NRXN1: variants seen among roughly 807,000 people sequenced by gnomAD.
The protein encoded by NRXN1 is neurexin 1.
NRXN1 carries 39 observed loss-of-function variants against 150.9 expected under a neutral mutation model. The ratio of observed to expected loss-of-function variants is 0.26; its 90% CI spans 0.20 to 0.34. NRXN1 has a LOEUF of 0.34. NRXN1 is among the 10% of genes least tolerant of loss of function. The pLI, the probability that NRXN1 is intolerant of heterozygous loss-of-function variation, is 1.00. For missense variants in NRXN1, 1,815 were observed against 1,949.9 expected (o/e 0.93, Z 1.30); for synonymous variants, 924 against 757.0 (o/e 1.22, Z -3.62).
At chr2:50,545,634 T>C (rs184066436) in intron 9 of NRXN1, among the ~76,000 whole-genome samples, 88 of 152,328 alleles carry the variant, frequency 5.8e-4, no homozygotes, top group African/African-American at 2.0e-3. Context: ...GAATTACCTA[T>C]TACAGGACAT....
intron 17 of NRXN1, among the ~76,000 whole-genome samples, chr2:50,366,684 C>G (rs986239797): frequency 6.6e-6 from 1 of 151,882 alleles, no homozygotes; most frequent in Non-Finnish European, 1.5e-5. Context: ...GACTGTCTCC[C>G]CCACCCCACT....
intron 9 of NRXN1, among the ~76,000 whole-genome samples, chr2:50,549,403 T>A (rs1667096239): frequency 6.6e-6 from 1 of 152,174 alleles, no homozygotes; most frequent in Non-Finnish European, 1.5e-5. Context: ...GGACAGAACT[T>A]GGCTTAGTGA....
chr2:50,628,347 A>G (rs1183832102), intron 5 of NRXN1, among the ~76,000 whole-genome samples: 1 of 151,778 alleles, frequency 6.6e-6, no homozygotes, highest in African/African-American at 2.4e-5. Context: ...TAAGTAATTC[A>G]AATTTACATT....
chr2:49,935,085 A>C (rs1351404174), intron 22 of NRXN1, among the ~76,000 whole-genome samples: 6 of 152,236 alleles, frequency 3.9e-5, no homozygotes, highest in Non-Finnish European at 5.9e-5. Flanking sequence ...ACTACTACTA[A>C]TAAAAGCTAA....
intron 8 of NRXN1, among the ~76,000 whole-genome samples, chr2:50,586,906 A>G (rs1198942665): frequency 2.0e-5 from 3 of 152,368 alleles, no homozygotes; most frequent in Non-Finnish European, 4.4e-5. Context: ...GGTTTATGCT[A>G]GAAAATAAAA....
intron 18 of NRXN1, among the ~76,000 whole-genome samples, chr2:50,153,975 G>C (rs577170335): frequency 2.0e-3 from 297 of 151,862 alleles, no homozygotes; most frequent in African/African-American, 6.8e-3. Context: ...AGAGAAGATA[G>C]ATAGTTGCTG....
intron 21 of NRXN1, among the ~76,000 whole-genome samples, chr2:50,007,842 C>G (rs1047251851): frequency 9.9e-5 from 15 of 151,986 alleles, no homozygotes; most frequent in African/African-American, 3.6e-4. Context: ...AATTTACACT[C>G]CCACCAACAG....
At chr2:50,895,354 G>A (rs910926071) in intron 5 of NRXN1, among the ~76,000 whole-genome samples, 4 of 152,014 alleles carry the variant, frequency 2.6e-5, no homozygotes, top group Admixed American at 1.3e-4. Flanking sequence ...CTACATATTG[G>A]ATATTTTTCC....
intron 17 of NRXN1, among the ~76,000 whole-genome samples, chr2:50,240,927 GTTTTA>G (rs1340015840): frequency 1.3e-5 from 2 of 151,706 alleles, no homozygotes; most frequent in East Asian, 3.9e-4. Context: ...CTGTAACATT[GTTTTA>G]TTTTAATATG....
intron 5 of NRXN1, among the ~76,000 whole-genome samples, chr2:50,845,487 T>C (rs866978059): frequency 6.6e-6 from 1 of 152,214 alleles, no homozygotes; most frequent in South Asian, 2.1e-4. Context: ...TCATCCTCTA[T>C]TGAAACGTAA....
intron 17 of NRXN1, among the ~76,000 whole-genome samples, chr2:50,309,372 T>C (rs2074970275): frequency 6.6e-6 from 1 of 152,190 alleles, no homozygotes; most frequent in Non-Finnish European, 1.5e-5. Flanking sequence ...TCTCTGACAC[T>C]AATTAATTGT....
chr2:50,449,447 T>A (rs1366415126), intron 17 of NRXN1, among the ~76,000 whole-genome samples: 1 of 152,212 alleles, frequency 6.6e-6, no homozygotes, highest in Non-Finnish European at 1.5e-5. Context: ...CCTTTTTACA[T>A]GCTTCTATTA....
At position 50,921,875 on chromosome 2, in the gene NRXN1, T is replaced by C; in HGVS notation, c.826A>G (p.Ser276Gly). 7.1e-7 allele frequency: 1 copy of C among 1,402,362 alleles called. No homozygotes were observed. Among genetic ancestry groups the C allele is most frequent in the Non-Finnish European group, 9.6e-7 (1 of 1,045,656 alleles). The allele number at this position is 1,402,362 out of a possible 1,614,324, so 86.9% of individuals were successfully genotyped here. The change falls in exon 5 of 23, where the codon AGT becomes GGT. Residue 276 changes from serine (S) to glycine (G), a missense_variant. Physicochemically the swap from Ser to Gly is moderately conservative, Grantham distance 56 (BLOSUM62 0). Around this residue, in one of 6 missense-constraint regions of NRXN1, gnomAD observed 554 missense variants for 478.8 expected, o/e 1.16. Transcript: ENST00000401669. Reference sequence around the variant, plus strand: ...AAATAAAATAATGTAATACCTTTACTTTTACCTATGGATTTGATGAAATGG... The same window carrying C: ...AAATAAAATAATGTAATACCTTTACCTTTACCTATGGATTTGATGAAATGG... Reference protein sequence around the residue: ...AHLMMGDQGKSKGKEEYIATF... With the variant: ...AHLMMGDQGKGKGKEEYIATF...
At chr2:50,868,537 G>T in intron 5 of NRXN1, among the ~76,000 whole-genome samples, 1 of 151,502 alleles carries the variant, frequency 6.6e-6, no homozygotes, top group East Asian at 2.0e-4. Flanking sequence ...AACTGCACTT[G>T]TGTTCCTTAA....
chr2:50,018,362 T>G (rs2152556213), intron 21 of NRXN1, among the ~76,000 whole-genome samples: 1 of 152,256 alleles, frequency 6.6e-6, no homozygotes, highest in African/African-American at 2.4e-5. Context: ...CAAAGCTTGC[T>G]TTTCTCCTAC....
At chr2:51,009,167 G>A (rs912315945) in intron 2 of NRXN1, 1 of 151,852 alleles carries the variant, frequency 6.6e-6, no homozygotes, top group Non-Finnish European at 1.5e-5. Flanking sequence ...TCTGAGTTGG[G>A]ACTTCAGACC....
intron 2 of NRXN1, among the ~76,000 whole-genome samples, chr2:51,022,767 T>C (rs1669829213): frequency 6.6e-6 from 1 of 152,206 alleles, no homozygotes; most frequent in African/African-American, 2.4e-5. Context: ...TACAAGCACC[T>C]ACAAAATATT....
intron 5 of NRXN1, among the ~76,000 whole-genome samples, chr2:50,854,499 C>T (rs1674975976): frequency 6.6e-6 from 1 of 152,170 alleles, no homozygotes; most frequent in South Asian, 2.1e-4. Context: ...ATAGCAATAG[C>T]CTACCTTTAA....
At chr2:50,566,098 G>C (rs534848561) in intron 8 of NRXN1, among the ~76,000 whole-genome samples, 1 of 152,094 alleles carries the variant, frequency 6.6e-6, no homozygotes, top group Non-Finnish European at 1.5e-5. Context: ...ATAAACACAC[G>C]TTCCTCACTT....
Sources: allele counts gnomAD v4.1 joint callset (sites outside exome capture counted in the v4.1 genomes callset), GRCh38; gene constraint gnomAD v4.1.1; regional missense constraint gnomAD v4.1.1; transcripts MANE v1.5; gene names NCBI Gene and HGNC (gene_info 2026-07-23, HGNC 2026-07-21).